The following EPB41L5 variants were observed in gnomAD, a reference collection of about 807,000 sequenced individuals.
EPB41L5 encodes the protein erythrocyte membrane protein band 4.1 like 5.
In EPB41L5, 55 loss-of-function variants were observed where a neutral mutation model predicts 106.6. The observed-to-expected ratio is 0.52, with a 90% CI of 0.42 to 0.65. EPB41L5 has a LOEUF of 0.65. Ranked by LOEUF, EPB41L5 falls within the 30% of genes least tolerant of loss-of-function variation. The probability of loss-of-function intolerance (pLI) is 0.00; values close to 1 mark genes in which losing one functional copy is unlikely to be tolerated. For missense variants in EPB41L5, 871 were observed against 882.1 expected, an observed-to-expected ratio of 0.99 and a Z score of 0.16; for synonymous variants, 297 against 306.7, an observed-to-expected ratio of 0.97 and a Z score of 0.33.
At chr2:120,075,432 C>G in intron 5 of EPB41L5, 44 bp from the exon 6 acceptor site, 2 of 1,404,000 alleles carry the variant, frequency 1.4e-6, no homozygotes, top group Non-Finnish European at 2.0e-6. Context: ...TTTTCACAGT[C>G]GATTGTGCTG....
chr2:120,107,585 T>A (rs1030815116), intron 16 of EPB41L5, among the ~76,000 whole-genome samples: 2 of 152,148 alleles, frequency 1.3e-5, no homozygotes, highest in Non-Finnish European at 2.9e-5. Context: ...CTCTCCTTCC[T>A]TCTCCATGCC....
intron 16 of EPB41L5, among the ~76,000 whole-genome samples, chr2:120,120,653 A>T (rs1301848934): frequency 6.6e-6 from 1 of 152,104 alleles, no homozygotes; most frequent in Non-Finnish European, 1.5e-5. Flanking sequence ...CAGACCATCT[A>T]GGCTGTTACA....
intron 10 of EPB41L5, among the ~76,000 whole-genome samples, chr2:120,085,923 C>CT (rs1683024446): frequency 6.6e-6 from 1 of 152,174 alleles, no homozygotes; most frequent in Admixed American, 6.5e-5. Flanking sequence ...TAGAAGAATA[C>CT]TTAGGGCAGA....
rs1341041808 is a variant in EPB41L5 at position 120,093,232 on chromosome 2, C to CT, written c.1151-11dup. The CT allele has an allele frequency of 6.8e-6, 11 of 1,611,586 alleles. No homozygotes were observed. Among genetic ancestry groups the CT allele is most frequent in the Non-Finnish European group, 9.3e-6 (11 of 1,177,912 alleles). ...TAAGATGAAACTAATGAGGTGTTAT[C>CT]TTTTTTCTTCTGTTAGCATGTGCTA... On this transcript the variant is annotated splice_polypyrimidine_tract_variant and intron_variant, in intron 13 of 24. Coordinates refer to ENST00000263713, the MANE Select transcript of EPB41L5 (RefSeq NM_020909.4).
intron 16 of EPB41L5, among the ~76,000 whole-genome samples, chr2:120,111,799 A>G (rs1471210983): frequency 1.3e-5 from 2 of 152,092 alleles, no homozygotes; most frequent in Non-Finnish European, 2.9e-5. Context: ...TACACCTGCC[A>G]GCGTCCTTGT....
chr2:120,083,760 C>T (rs1299374231), intron 10 of EPB41L5, among the ~76,000 whole-genome samples: 1 of 152,176 alleles, frequency 6.6e-6, no homozygotes, highest in Non-Finnish European at 1.5e-5. Context: ...TCTCTAAGCA[C>T]TTGCTTTATG....
chr2:120,030,616 C>G (rs921363402), intron 2 of EPB41L5, among the ~76,000 whole-genome samples: 2 of 151,886 alleles, frequency 1.3e-5, no homozygotes, highest in Admixed American at 1.3e-4. Flanking sequence ...TGCAGTGGTA[C>G]AATCTTGGCT....
At position 120,178,447 on chromosome 2, in the gene EPB41L5, T is replaced by G. The variant is rs1236677187; in HGVS notation, c.*3540T>G. 1 of 152,198 alleles carries G rather than the reference T, an allele frequency of 6.6e-6. No homozygotes were observed. Among genetic ancestry groups the G allele is most frequent in the Non-Finnish European group, 1.5e-5 (1 of 68,042 alleles). The allele number at this position is 152,198 out of a possible 1,614,324, so 9.4% of individuals were successfully genotyped here. A position where few individuals can be genotyped will look rare whatever the true frequency, so the allele number is the denominator to read the frequency against. ...GTGAGCTCCCACTGTTGTGGGTGTC[T>G]CAGCTCTGAGGGTCTTTGTGAGTTC... On this transcript the variant is annotated 3_prime_UTR_variant, in exon 25 of 25. Coordinates refer to ENST00000263713, the MANE Select transcript of EPB41L5 (RefSeq NM_020909.4).
In EPB41L5 at chr2:120,176,069, T is replaced by C. The variant is rs1025287172; in HGVS notation, c.*1162T>C. 2.6e-5 allele frequency: 4 copies of C among 152,642 alleles called. No individual in the cohort carries two copies. The highest frequency in any genetic ancestry group is 9.6e-5 in the African/African-American group (4 of 41,458). 9.5% of individuals were successfully genotyped at this position (152,642 alleles called of 1,614,324 possible). A position where few individuals can be genotyped will look rare whatever the true frequency, so the allele number is the denominator to read the frequency against. ...CCTTTGGGCCTGTACAAAGAAATTCTGGATGTTAAAATAATATATACTCAT... is the reference window on the plus strand; with the variant it reads ...CCTTTGGGCCTGTACAAAGAAATTCCGGATGTTAAAATAATATATACTCAT... On this transcript the variant is annotated 3_prime_UTR_variant, in exon 25 of 25. Coordinates refer to ENST00000263713, the MANE Select transcript of EPB41L5 (RefSeq NM_020909.4).
Position 120,160,921 on chromosome 2 carries a change from T to C in EPB41L5, c.1834T>C (p.Ser612Pro). The C allele has an allele frequency of 1.2e-6, 2 of 1,613,810 alleles. No homozygotes were observed. Among genetic ancestry groups the C allele is most frequent in the Non-Finnish European group, 1.7e-6 (2 of 1,179,822 alleles). ...NENNVPLPKE[S>P]LETLMLITPA... ...GAATAATGTGCCCCTCCCCAAAGAG[T>C]CTCTTGAGACTCTGATGCTTATCAC... The change falls in exon 21 of 25, where the codon TCT becomes CCT. Residue 612 changes from serine (S) to proline (P), a missense_variant. Physicochemically the swap from Ser to Pro is moderately conservative, Grantham distance 74. Transcript: ENST00000263713.
intron 16 of EPB41L5, among the ~76,000 whole-genome samples, chr2:120,111,246 C>T (rs1055634464): frequency 3.9e-5 from 6 of 152,158 alleles, no homozygotes; most frequent in African/African-American, 4.8e-5. Context: ...TTTGAGGCCA[C>T]GGATTTGGGA....
At chr2:120,044,885 A>T (rs111722820) in intron 3 of EPB41L5, among the ~76,000 whole-genome samples, 1 of 152,300 alleles carries the variant, frequency 6.6e-6, no homozygotes, top group African/African-American at 2.4e-5. Context: ...AACACTCTAA[A>T]CTATGAGTTG....
chr2:120,039,690 T>C (rs984367253), intron 2 of EPB41L5, among the ~76,000 whole-genome samples: 1 of 152,030 alleles, frequency 6.6e-6, no homozygotes, highest in Non-Finnish European at 1.5e-5. Flanking sequence ...GTGGGTGTGG[T>C]GGCGCATGCC....
Position 120,025,646 on chromosome 2 carries a change from A to G in EPB41L5, c.180+6382A>G, listed in dbSNP as rs140387715. Among the ~76,000 whole-genome samples, 78 of 152,318 alleles carry G rather than the reference A, an allele frequency of 5.1e-4. No homozygotes were observed. The East Asian group carries it at 0.013, about 25-fold the overall frequency. ...AAGACTGTATATAGTTATACTTTTAAATACATGAACACCATCCCATGTTCA... is the reference window on the plus strand; with the variant it reads ...AAGACTGTATATAGTTATACTTTTAGATACATGAACACCATCCCATGTTCA... On this transcript the variant is annotated intron_variant, in intron 2 of 24. Transcript: ENST00000263713.
intron 24 of EPB41L5, among the ~76,000 whole-genome samples, chr2:120,174,085 G>A (rs1420366745): frequency 6.6e-6 from 1 of 152,198 alleles, no homozygotes; most frequent in Non-Finnish European, 1.5e-5. Flanking sequence ...CAGAGCCCAT[G>A]AGGGCTTCTT....
intron 3 of EPB41L5, among the ~76,000 whole-genome samples, chr2:120,057,882 A>G (rs1680764821): frequency 6.6e-6 from 1 of 152,076 alleles, no homozygotes; most frequent in Non-Finnish European, 1.5e-5. Context: ...GAAGTAATAT[A>G]TTTTTAATTT....
At chr2:120,037,438 G>A (rs1457164484) in intron 2 of EPB41L5, among the ~76,000 whole-genome samples, 3 of 152,158 alleles carry the variant, frequency 2.0e-5, no homozygotes, top group Non-Finnish European at 4.4e-5. Flanking sequence ...TCTGAAGGGA[G>A]CCAAAACAAT....
At chr2:120,076,815 A>G (rs1682276664) in intron 7 of EPB41L5, among the ~76,000 whole-genome samples, 156 bp from the exon 8 acceptor site, 1 of 152,240 alleles carries the variant, frequency 6.6e-6, no homozygotes, top group South Asian at 2.1e-4. Flanking sequence ...TGTATGACTA[A>G]TATGCCAGAT....
At chr2:120,127,662 A>C in intron 16 of EPB41L5, 26 bp from the exon 17 acceptor site, 1 of 1,546,942 alleles carries the variant, frequency 6.5e-7, no homozygotes, top group Admixed American at 1.7e-5. Context: ...TTCTTGGTCT[A>C]AGTAAATTTT....
Sources: allele counts gnomAD v4.1 joint callset (sites outside exome capture counted in the v4.1 genomes callset), GRCh38; gene constraint gnomAD v4.1.1; transcripts MANE v1.5; gene names NCBI Gene and HGNC (gene_info 2026-07-23, HGNC 2026-07-21).